The following SBK1 variants were observed in gnomAD, a reference collection of about 807,000 sequenced individuals.
SBK1 encodes the protein SH3 domain binding kinase 1, also known as serine/threonine-protein kinase SBK1.
Under a neutral mutation model 24.4 loss-of-function variants are expected in SBK1, and 11 were observed. The ratio of observed to expected loss-of-function variants is 0.45; its 90% CI spans 0.28 to 0.75. SBK1 has a LOEUF of 0.75. SBK1 is among the 30% of genes least tolerant of loss of function. The pLI, the probability that SBK1 is intolerant of heterozygous loss-of-function variation, is 0.12. For missense variants in SBK1, 467 were observed against 620.5 expected, an observed-to-expected ratio of 0.75 and a Z score of 2.63; for synonymous variants, 308 against 284.4, an observed-to-expected ratio of 1.08 and a Z score of -0.83.
At chr16:28,315,308 T>G (rs1464519637) in intron 1 of SBK1, among the ~76,000 whole-genome samples, 1 of 152,196 alleles carries the variant, frequency 6.6e-6, no homozygotes, top group Non-Finnish European at 1.5e-5. Flanking sequence ...ACGGCAGGGA[T>G]GTATACATAT....
At chr16:28,278,454 G>A (rs938089943) in intron 1 of SBK1, among the ~76,000 whole-genome samples, 20 of 152,180 alleles carry the variant, frequency 1.3e-4, no homozygotes, top group Admixed American at 1.3e-3. Context: ...CGATCCTCCT[G>A]CCTCAGTCTT....
chr16:28,319,075 A>G lies in SBK1; in HGVS notation c.307A>G (p.Ser103Gly). ...CCTACGGGAGGTGAGCATCACCAAC[A>G]GCCTCTCCTCCAGCCCCTTCATCAT... ...NFLREVSITN[S>G]LSSSPFIIKV... The change falls in exon 3 of 4, where the codon AGC becomes GGC. Residue 103 changes from serine to glycine, a missense_variant. By Grantham distance (56) the Ser-to-Gly change is moderately conservative (BLOSUM62 0). Transcript: ENST00000341901. The surrounding 1 kb of genome is among the most constrained non-coding windows in gnomAD (Gnocchi z 4.0). 6.2e-6 allele frequency: 10 copies of G among 1,614,136 alleles called. No homozygotes were observed. Among genetic ancestry groups the G allele is most frequent in the Non-Finnish European group, 8.5e-6 (10 of 1,179,992 alleles).
Position 28,293,141 on chromosome 16 carries a change from C to A in SBK1, c.-167C>A. ...CTCACCAGCAAGAAGCCTCGGGGAT[C>A]CCCCCCCTAAAGCTCCAGGACTTGG... On this transcript the variant is annotated 5_prime_UTR_variant, in exon 1 of 4. Coordinates refer to ENST00000341901, the MANE Select transcript of SBK1 (RefSeq NM_001024401.3). 1 of 981,450 alleles carries A rather than the reference C, an allele frequency of 1.0e-6. No homozygotes were observed. 60.8% of individuals were successfully genotyped at this position (981,450 alleles called of 1,614,324 possible). A position where few individuals can be genotyped will look rare whatever the true frequency, so the allele number is the denominator to read the frequency against.
chr16:28,260,933 G>A (rs1447406441), intron 1 of SBK1, among the ~76,000 whole-genome samples: 3 of 152,176 alleles, frequency 2.0e-5, no homozygotes, highest in Non-Finnish European at 4.4e-5. Flanking sequence ...CCTTCCCAGG[G>A]GTGAGAGAGG....
In SBK1 at chr16:28,317,709, G is replaced by A; in HGVS notation, c.226+92G>A. Reference sequence around the variant, plus strand: ...GGGACATGACCTTGCAGCTGGGCCGGGGCTCTCTGGTGCTCTGTGGAAGCC... The same window carrying A: ...GGGACATGACCTTGCAGCTGGGCCGAGGCTCTCTGGTGCTCTGTGGAAGCC... On this transcript the variant is annotated intron_variant, in intron 2 of 3. Transcript: ENST00000341901. The surrounding 1 kb of genome is among the most constrained non-coding windows in gnomAD (Gnocchi z 4.2). The A allele has an allele frequency of 5.7e-6, 5 of 870,692 alleles. No individual in the cohort carries two copies. In the South Asian group the frequency reaches 7.7e-5, roughly 13 times the overall value. 53.9% of individuals were successfully genotyped at this position (870,692 alleles called of 1,614,324 possible).
chr16:28,267,335 C>T (rs527987510), intron 1 of SBK1, among the ~76,000 whole-genome samples: 2 of 152,348 alleles, frequency 1.3e-5, no homozygotes, highest in South Asian at 4.1e-4. Flanking sequence ...GTTGGGATTA[C>T]AGGCGTGAGC....
At chr16:28,310,950 C>T (rs377570608) in intron 1 of SBK1, among the ~76,000 whole-genome samples, 2 of 152,316 alleles carry the variant, frequency 1.3e-5, no homozygotes, top group Admixed American at 6.5e-5. Context: ...TCCGACGCCA[C>T]GTGCGCCGGA....
chr16:28,269,031 C>CTTT, intron 1 of SBK1, among the ~76,000 whole-genome samples: 1 of 143,128 alleles, frequency 7.0e-6, no homozygotes, highest in African/African-American at 2.9e-5. Context: ...CAAGTTCTTT[C>CTTT]CTTTTTTTTT....
Position 28,320,048 on chromosome 16 carries a change from C to G in SBK1, c.430-28C>G, listed in dbSNP as rs2044827212. ...GGGGCGGGCGCTGGAGAGCTGGAAA[C>G]AGCGCGGCTTCCCCCGGCCGCCCGC... On this transcript the variant is annotated intron_variant, in intron 3 of 3. Transcript: ENST00000341901. The surrounding 1 kb of genome is among the most constrained non-coding windows in gnomAD (Gnocchi z 8.5). The G allele has an allele frequency of 1.4e-6, 2 of 1,453,570 alleles. No homozygotes were observed. Among genetic ancestry groups the G allele is most frequent in the Non-Finnish European group, 1.8e-6 (2 of 1,110,026 alleles). 90.0% of individuals were successfully genotyped at this position (1,453,570 alleles called of 1,614,324 possible).
chr16:28,281,222 C>G (rs916809130), intron 1 of SBK1, among the ~76,000 whole-genome samples: 5 of 152,192 alleles, frequency 3.3e-5, no homozygotes, highest in African/African-American at 9.6e-5. Context: ...TTAACTCCCA[C>G]AAGACTTCTC....
intron 1 of SBK1, among the ~76,000 whole-genome samples, chr16:28,302,964 G>GGT (rs1038974188): frequency 8.1e-6 from 1 of 123,710 alleles, no homozygotes; most frequent in Non-Finnish European, 1.6e-5. Context: ...CAGGGCATGG[G>GGT]GGGGGGTCAG....
At chr16:28,292,136 G>A (rs978112427), upstream of SBK1, 2 of 152,146 alleles carry the variant, frequency 1.3e-5, no homozygotes, top group South Asian at 2.1e-4. Context: ...GACCGGGACA[G>A]TCTGGGGCAG....
At chr16:28,283,272 A>G (rs763428306) in intron 1 of SBK1, among the ~76,000 whole-genome samples, 5 of 152,142 alleles carry the variant, frequency 3.3e-5, no homozygotes, top group Non-Finnish European at 7.3e-5. Flanking sequence ...GGGGGGTTGT[A>G]TGTGACAGAG....
chr16:28,320,780 G>A lies in SBK1; in HGVS notation c.1134G>A (p.Pro378=). Reference sequence around the variant, plus strand: ...TCGGGTCGGTGCCCTTGCCCGTGCCGGTGCCGGTGCCAGTGCCCGTGCCGG... The same window carrying A: ...TCGGGTCGGTGCCCTTGCCCGTGCCAGTGCCGGTGCCAGTGCCCGTGCCGG... ...PAVGSVPLPV[P]VPVPVPVPVP... The change falls in exon 4 of 4, where the codon CCG becomes CCA. Residue 378 remains proline (P), a synonymous_variant. Coordinates refer to ENST00000341901, the MANE Select transcript of SBK1 (RefSeq NM_001024401.3). The surrounding 1 kb of genome is among the most constrained non-coding windows in gnomAD (Gnocchi z 8.5). 2.1e-6 allele frequency: 3 copies of A among 1,405,882 alleles called. No individual in the cohort carries two copies. The highest frequency in any genetic ancestry group is 1.5e-5 in the African/African-American group (1 of 64,650). The allele number at this position is 1,405,882 out of a possible 1,614,324, so 87.1% of individuals were successfully genotyped here. A position where few individuals can be genotyped will look rare whatever the true frequency, so the allele number is the denominator to read the frequency against.
upstream of SBK1, among the ~76,000 whole-genome samples, chr16:28,288,856 C>T (rs980063801): frequency 2.0e-5 from 3 of 152,308 alleles, no homozygotes; most frequent in East Asian, 5.8e-4. Context: ...TTAATGGGAC[C>T]CATGCTGTGT....
At chr16:28,263,576 G>A (rs1032749953) in intron 1 of SBK1, among the ~76,000 whole-genome samples, 5 of 152,206 alleles carry the variant, frequency 3.3e-5, no homozygotes, top group Non-Finnish European at 7.3e-5. Context: ...CAGGGCAGGA[G>A]GGACAGGAAC....
intron 1 of SBK1, among the ~76,000 whole-genome samples, chr16:28,269,032 CT>C (rs1223749659): frequency 0.017 from 2,163 of 130,212 alleles, 30 homozygotes; most frequent in African/African-American, 0.05. Context: ...AAGTTCTTTC[CT>C]TTTTTTTTTT....
intron 1 of SBK1, among the ~76,000 whole-genome samples, chr16:28,311,817 A>T (rs2044756796): frequency 6.7e-6 from 1 of 148,544 alleles, no homozygotes. Context: ...ATGGGGCCCA[A>T]ACTGAGCCCA....
At chr16:28,262,719 G>T (rs912277630) in intron 1 of SBK1, among the ~76,000 whole-genome samples, 1 of 152,208 alleles carries the variant, frequency 6.6e-6, no homozygotes, top group Admixed American at 6.5e-5. Context: ...ATGAAAATTT[G>T]TCAGCAAACG....
Sources: gnomAD v4.1 joint callset for allele counts (sites outside exome capture counted in the v4.1 genomes callset) on GRCh38, gnomAD v4.1.1 for gene constraint, Gnocchi (gnomAD v3.1) non-coding constraint, MANE v1.5 for transcripts, NCBI Gene and HGNC (gene_info 2026-07-23, HGNC 2026-07-21) for gene names.